Variants in TMIGD3 observed in about 807,000 individuals in gnomAD.
TMIGD3 encodes transmembrane and immunoglobulin domain containing 3, also known as AD026 protein (AD026).
A neutral mutation model predicts 28.1 loss-of-function variants in TMIGD3; 21 were observed. The observed-to-expected ratio is 0.75, with a 90% CI of 0.53 to 1.08. The LOEUF (loss-of-function observed/expected upper bound fraction) is 1.08, where lower values mean the gene tolerates loss of function less well. Ranked by LOEUF, TMIGD3 falls within the 50% of genes least tolerant of loss-of-function variation. TMIGD3 has a pLI of 0.00. For missense variants in TMIGD3, 416 were observed against 435.6 expected, an observed-to-expected ratio of 0.96 and a Z score of 0.40; for synonymous variants, 151 against 162.1, an observed-to-expected ratio of 0.93 and a Z score of 0.52.
intron 1 of TMIGD3, 36 bp from the exon 2 acceptor site, chr1:111,490,798 T>A: frequency 6.6e-7 from 1 of 1,514,806 alleles, no homozygotes; most frequent in Non-Finnish European, 9.1e-7. Context: ...GAGCTTAATA[T>A]GGCTTTATCC....
chr1:111,510,378 CA>C (rs1489434725), intron 1 of TMIGD3, among the ~76,000 whole-genome samples: 1 of 152,110 alleles, frequency 6.6e-6, no homozygotes, highest in East Asian at 1.9e-4. Flanking sequence ...GGTGTTTCAT[CA>C]TGATCGAAAA....
Position 111,488,917 on chromosome 1 carries a change from G to A in TMIGD3, c.565C>T (p.Arg189Ter), listed in dbSNP as rs373256860. The A allele has an allele frequency of 1.5e-5, 25 of 1,614,156 alleles. No individual in the cohort carries two copies. The highest frequency in any genetic ancestry group is 2.2e-5 in the East Asian group (1 of 44,878). The change falls in exon 3 of 6, where the codon CGA becomes TGA. Residue 189 changes from arginine (R) to a stop codon, truncating the protein, a stop_gained. Coordinates refer to ENST00000369716, the MANE Select transcript of TMIGD3 (RefSeq NM_020683.7). LOFTEE classifies it high-confidence loss of function. Reference protein sequence around the residue: ...HYKNHPKYWCRGYFRDYCNII... With the variant: ...HYKNHPKYWC ...TTGCAGTAGTCACGGAAATAGCCTC[G>A]GCACCAGTATTTGGGGTGATTCTTG... is the stretch of plus-strand genomic sequence containing the variant.
At chr1:111,547,023 G>A (rs866706528) in intron 1 of TMIGD3, among the ~76,000 whole-genome samples, 5 of 152,236 alleles carry the variant, frequency 3.3e-5, no homozygotes, top group Middle Eastern at 3.4e-3. Flanking sequence ...TGTTCTTTTT[G>A]ATGCTGTTGT....
chr1:111,487,562 A>C (rs1410769639), intron 3 of TMIGD3, among the ~76,000 whole-genome samples: 1 of 152,008 alleles, frequency 6.6e-6, no homozygotes, highest in Non-Finnish European at 1.5e-5. Flanking sequence ...CCTCTGTCTG[A>C]GAGACAGAGG....
chr1:111,494,068 C>G (rs1194403967), intron 1 of TMIGD3, among the ~76,000 whole-genome samples: 1 of 152,252 alleles, frequency 6.6e-6, no homozygotes, highest in Non-Finnish European at 1.5e-5. Context: ...CAACCTGCAG[C>G]AACCTGCTCA....
intron 1 of TMIGD3, among the ~76,000 whole-genome samples, chr1:111,494,182 T>C (rs2100967819): frequency 6.6e-6 from 1 of 152,280 alleles, no homozygotes; most frequent in South Asian, 2.1e-4. Context: ...CAATGGCCCC[T>C]TTAACAATCA....
In TMIGD3 at chr1:111,490,502, C is replaced by A. The variant is rs939111446; in HGVS notation, c.457+154G>T. The A allele has an allele frequency of 1.0e-4, 62 of 612,106 alleles. 1 individual carries two copies. In the Middle Eastern group the frequency reaches 3.4e-3, roughly 33 times the overall value. The allele number at this position is 612,106 out of a possible 1,614,324, so 37.9% of individuals were successfully genotyped here. ...AGCTAAGAACAAGAACTAATATGGA[C>A]AAGACCTATTTTCATCGCCTTTTAT... On this transcript the variant is annotated intron_variant, in intron 2 of 5. Transcript: ENST00000369716.
In TMIGD3 at chr1:111,485,725, A is replaced by AAAAAAACAAAATAACC; in HGVS notation, c.973+14_973+15insGGTTATTTTGTTTTTT. Reference sequence around the variant, plus strand: ...TAATTCTTGCCCACCCCCTCCCTCAACAATAGCTACTTACCCCTTCTATTC... The same window carrying AAAAAAACAAAATAACC: ...TAATTCTTGCCCACCCCCTCCCTCAAAAAAAACAAAATAACCCAATAGCTACTTACCCCTTCTATTC... On this transcript the variant is annotated intron_variant, in intron 5 of 5. Transcript: ENST00000369716. 2.8e-6 allele frequency: 4 copies of AAAAAAACAAAATAACC among 1,419,106 alleles called. No individual in the cohort carries two copies. Among genetic ancestry groups the AAAAAAACAAAATAACC allele is most frequent in the Non-Finnish European group, 3.9e-6 (4 of 1,022,712 alleles). 87.9% of individuals were successfully genotyped at this position (1,419,106 alleles called of 1,614,324 possible).
chr1:111,486,026 G>A (rs530498076), intron 4 of TMIGD3, among the ~76,000 whole-genome samples, 186 bp from the exon 5 acceptor site: 1 of 152,254 alleles, frequency 6.6e-6, no homozygotes, highest in East Asian at 1.9e-4. Context: ...GACCTGCTGA[G>A]CATCTGACTA....
At chr1:111,543,115 C>G (rs1656904989) in intron 1 of TMIGD3, among the ~76,000 whole-genome samples, 1 of 152,174 alleles carries the variant, frequency 6.6e-6, no homozygotes, top group African/African-American at 2.4e-5. Flanking sequence ...TACACACACA[C>G]AGACACATAC....
chr1:111,525,619 T>C (rs1316549141), intron 1 of TMIGD3, among the ~76,000 whole-genome samples: 1 of 152,196 alleles, frequency 6.6e-6, no homozygotes, highest in Non-Finnish European at 1.5e-5. Flanking sequence ...ATCTCAGCAT[T>C]TGGGAGGCCG....
chr1:111,532,207 A>G (rs1412548632), intron 1 of TMIGD3, among the ~76,000 whole-genome samples: 1 of 152,122 alleles, frequency 6.6e-6, no homozygotes, highest in Non-Finnish European at 1.5e-5. Flanking sequence ...AAATCTCCAA[A>G]GCTTTCTCTC....
chr1:111,547,685 A>T (rs555044606), intron 1 of TMIGD3, among the ~76,000 whole-genome samples: 2 of 152,318 alleles, frequency 1.3e-5, no homozygotes, highest in South Asian at 4.1e-4. Flanking sequence ...AAGATATAGG[A>T]AGAAGTCAGA....
chr1:111,506,905 T>TAC (rs1462833020), upstream of TMIGD3, among the ~76,000 whole-genome samples: 12 of 105,638 alleles, frequency 1.1e-4, no homozygotes, highest in East Asian at 1.2e-3. Flanking sequence ...AAAATATATA[T>TAC]ATATATATTA....
At position 111,524,321 on chromosome 1, in the gene TMIGD3, G is replaced by A. The variant is rs12141056; in HGVS notation, c.108-33559C>T. Reference sequence around the variant, plus strand: ...TGGGATTACAGGCGTGAGCCATCGCGCCCGGCCTTCTTTTTCTTTCTTATG... The same window carrying A: ...TGGGATTACAGGCGTGAGCCATCGCACCCGGCCTTCTTTTTCTTTCTTATG... On this transcript the variant is annotated intron_variant, in intron 1 of 5. Transcript: ENST00000369717. Among the ~76,000 whole-genome samples the A allele has an allele frequency of 6.8e-3, 1,022 of 151,392 alleles. 2 individuals carry two copies. The highest frequency in any genetic ancestry group is 0.01 in the Non-Finnish European group (685 of 67,806).
At chr1:111,509,376 C>A (rs1417391174) in intron 1 of TMIGD3, among the ~76,000 whole-genome samples, 2 of 152,338 alleles carry the variant, frequency 1.3e-5, no homozygotes, top group East Asian at 3.9e-4. Context: ...ACCCAGCCTC[C>A]TCTTTATCAC....
At chr1:111,546,623 AT>A (rs1657043205) in intron 1 of TMIGD3, among the ~76,000 whole-genome samples, 2 of 152,146 alleles carry the variant, frequency 1.3e-5, no homozygotes, top group Admixed American at 6.5e-5. Context: ...AAGGCTGAAT[AT>A]TATTCTATTG....
chr1:111,520,076 G>A lies in TMIGD3; in HGVS notation c.108-29314C>T, dbSNP rs116617829. Among the ~76,000 whole-genome samples the A allele has an allele frequency of 7.0e-3, 1,070 of 152,214 alleles. 10 individuals carry two copies. The highest frequency in any genetic ancestry group is 0.024 in the African/African-American group (1,001 of 41,520). On this transcript the variant is annotated intron_variant, in intron 1 of 5. Coordinates refer to the TMIGD3 transcript ENST00000369717. ...TATACTGTACATTAGCAAACAGGAC[G>A]AACAGGAACCTCTTTCCATATGGTC...
intron 1 of TMIGD3, among the ~76,000 whole-genome samples, chr1:111,518,577 C>G (rs1425409441): frequency 6.6e-6 from 1 of 152,172 alleles, no homozygotes; most frequent in Non-Finnish European, 1.5e-5. Flanking sequence ...AAACGAGAAG[C>G]CTAAAGTTCA....
Sources: gnomAD v4.1 joint callset for allele counts (sites outside exome capture counted in the v4.1 genomes callset) on GRCh38, gnomAD v4.1.1 for gene constraint, MANE v1.5 for transcripts, NCBI Gene and HGNC (gene_info 2026-07-23, HGNC 2026-07-21) for gene names.